The following CNIH3 variants were observed in gnomAD, a reference collection of about 807,000 sequenced individuals.
CNIH3 encodes protein cornichon homolog 3.
In CNIH3, 14 loss-of-function variants were observed where a neutral mutation model predicts 24.1. That is an observed-to-expected ratio of 0.58 (90% CI 0.38 to 0.91). The LOEUF (loss-of-function observed/expected upper bound fraction) is 0.91. Among genes scored for constraint, CNIH3 ranks in the 40% least tolerant of loss-of-function variants. The pLI is 0.00. For synonymous variants in CNIH3, 68 were observed against 73.8 expected (o/e 0.92, Z 0.40); for missense variants, 178 against 196.8 (o/e 0.90, Z 0.57).
intron 1 of CNIH3, among the ~76,000 whole-genome samples, chr1:224,653,220 T>C (rs1391185120): frequency 6.6e-6 from 1 of 151,968 alleles, no homozygotes; most frequent in African/African-American, 2.4e-5. Flanking sequence ...GTCAGGAGTT[T>C]GAGACCAGCC....
At chr1:224,735,076 C>A (rs984306625) in intron 5 of CNIH3, among the ~76,000 whole-genome samples, 2 of 152,162 alleles carry the variant, frequency 1.3e-5, no homozygotes, top group African/African-American at 4.8e-5. Context: ...CCTGTGGCCA[C>A]AGGGGCTCAG....
At chr1:224,434,789 C>T (rs1188078817) in exon 1 of CNIH3, 3 of 986,366 alleles carry the variant, frequency 3.0e-6, no homozygotes, top group African/African-American at 1.7e-5. Flanking sequence ...CCCCCAGCTG[C>T]TGCCTAATGG....
At chr1:224,585,434 G>A (rs1399301484) in intron 5 of CNIH3, among the ~76,000 whole-genome samples, 4 of 151,900 alleles carry the variant, frequency 2.6e-5, no homozygotes, top group Non-Finnish European at 4.4e-5. Context: ...CACGTGCCCA[G>A]TAATATACTG....
intron 3 of CNIH3, among the ~76,000 whole-genome samples, chr1:224,554,574 GT>G (rs921812431): frequency 8.1e-5 from 12 of 148,200 alleles, no homozygotes; most frequent in South Asian, 2.2e-4. Context: ...ATTTTTGTAG[GT>G]TTTTTTTTTG....
At chr1:224,735,104 C>T (rs1689529230) in intron 5 of CNIH3, among the ~76,000 whole-genome samples, 1 of 152,162 alleles carries the variant, frequency 6.6e-6, no homozygotes, top group Admixed American at 6.5e-5. Flanking sequence ...CTCACTGTCC[C>T]TTGCCCCAAG....
chr1:224,667,911 A>C (rs1283957842), intron 1 of CNIH3, among the ~76,000 whole-genome samples: 1 of 152,204 alleles, frequency 6.6e-6, no homozygotes, highest in Non-Finnish European at 1.5e-5. Context: ...GTGGATAGAC[A>C]AAGTATAGTG....
At chr1:224,595,091 G>A (rs1681921317) in intron 3 of CNIH3, among the ~76,000 whole-genome samples, 1 of 152,158 alleles carries the variant, frequency 6.6e-6, no homozygotes, top group Non-Finnish European at 1.5e-5. Context: ...CCTGTTGTCA[G>A]GCTGGAGTGC....
chr1:224,623,349 C>T (rs1291345724), intron 1 of CNIH3, among the ~76,000 whole-genome samples: 1 of 152,188 alleles, frequency 6.6e-6, no homozygotes, highest in Non-Finnish European at 1.5e-5. Context: ...TTTCCTGTCG[C>T]TCCTGTAGTG....
intron 3 of CNIH3, chr1:224,565,546 A>G (rs1558165343): frequency 6.6e-6 from 1 of 152,352 alleles, no homozygotes; most frequent in Admixed American, 6.6e-5. Context: ...CCTGTACCCC[A>G]TGCTTGCTCC....
chr1:224,651,726 T>C (rs972838998), intron 1 of CNIH3, among the ~76,000 whole-genome samples: 1 of 152,246 alleles, frequency 6.6e-6, no homozygotes, highest in Non-Finnish European at 1.5e-5. Context: ...TCACTGTTTA[T>C]TCAATCATGC....
chr1:224,642,973 C>G (rs1684431207), intron 1 of CNIH3, among the ~76,000 whole-genome samples: 1 of 152,174 alleles, frequency 6.6e-6, no homozygotes, highest in African/African-American at 2.4e-5. Context: ...TCTGAACATG[C>G]AGGCCAAGGT....
intron 1 of CNIH3, among the ~76,000 whole-genome samples, chr1:224,659,240 G>T (rs916470440): frequency 1.3e-5 from 2 of 152,186 alleles, no homozygotes; most frequent in African/African-American, 4.8e-5. Context: ...TTAGGTTGTA[G>T]CAGGAGTAGG....
At chr1:224,545,940 C>T (rs1206183278) in intron 2 of CNIH3, among the ~76,000 whole-genome samples, 3 of 152,080 alleles carry the variant, frequency 2.0e-5, no homozygotes, top group African/African-American at 4.8e-5. Flanking sequence ...TGGTTTCTCC[C>T]GAGGCCCCTC....
At chr1:224,697,067 C>A (rs1201626021) in intron 3 of CNIH3, among the ~76,000 whole-genome samples, 1 of 152,180 alleles carries the variant, frequency 6.6e-6, no homozygotes, top group African/African-American at 2.4e-5. Flanking sequence ...ACCACAAATA[C>A]CATGGGCTAT....
intron 1 of CNIH3, among the ~76,000 whole-genome samples, chr1:224,450,472 G>T (rs988021657): frequency 6.6e-6 from 1 of 152,168 alleles, no homozygotes; most frequent in African/African-American, 2.4e-5. Context: ...CTCTCGTGAA[G>T]ATCAGGGTAA....
chr1:224,720,252 C>CTTTTTTTTTTTTTTTT (rs10625559), intron 3 of CNIH3, among the ~76,000 whole-genome samples: 7 of 142,084 alleles, frequency 4.9e-5, no homozygotes, highest in Non-Finnish European at 6.1e-5. Context: ...GGATAGTCAT[C>CTTTTTTTTTTTTTTTT]TTTTTTTTTT....
chr1:224,535,633 C>G (rs992159157), intron 2 of CNIH3, among the ~76,000 whole-genome samples: 1 of 152,170 alleles, frequency 6.6e-6, no homozygotes, highest in Non-Finnish European at 1.5e-5. Flanking sequence ...TAGCAGGGAC[C>G]TTGTCTGGCA....
chr1:224,730,071 AG>A (rs1271469387), intron 3 of CNIH3, among the ~76,000 whole-genome samples: 1 of 152,204 alleles, frequency 6.6e-6, no homozygotes, highest in Non-Finnish European at 1.5e-5. Flanking sequence ...AGAGCAGGGC[AG>A]TTATGGATTC....
chr1:224,441,936 T>C (rs910937037), intron 1 of CNIH3, among the ~76,000 whole-genome samples: 5 of 151,906 alleles, frequency 3.3e-5, no homozygotes, highest in Non-Finnish European at 5.9e-5. Flanking sequence ...CAATAACTCT[T>C]AGCTTCTTGT....
Sources: allele counts gnomAD v4.1 joint callset (sites outside exome capture counted in the v4.1 genomes callset), GRCh38; gene constraint gnomAD v4.1.1; transcripts MANE v1.5; gene names NCBI Gene and HGNC (gene_info 2026-07-23, HGNC 2026-07-21).